The following SIPA1L3 variants were observed in gnomAD, a reference collection of about 807,000 sequenced individuals.
The protein encoded by SIPA1L3 is signal-induced proliferation-associated 1-like protein 3.
Under a neutral mutation model 150.1 loss-of-function variants are expected in SIPA1L3, and 59 were observed. That is an observed-to-expected ratio of 0.39 (90% CI 0.32 to 0.49). SIPA1L3 has a LOEUF of 0.49. Ranked by LOEUF, SIPA1L3 falls within the 20% of genes least tolerant of loss-of-function variation. The pLI, the probability that SIPA1L3 is intolerant of heterozygous loss-of-function variation, is 0.86. For missense variants in SIPA1L3, 2,211 were observed against 2,489.5 expected (o/e 0.89, Z 2.38); for synonymous variants, 1,070 against 1,077.6 (o/e 0.99, Z 0.14).
chr19:38,033,834 A>AGCG (rs1333843811), intron 2 of SIPA1L3, among the ~76,000 whole-genome samples: 33 of 152,278 alleles, frequency 2.2e-4, no homozygotes, highest in Non-Finnish European at 4.3e-4. Flanking sequence ...GGTTCTCAGC[A>AGCG]GCGGGCCTGA....
chr19:38,141,721 G>A (rs540754467), intron 11 of SIPA1L3, among the ~76,000 whole-genome samples: 4 of 152,322 alleles, frequency 2.6e-5, no homozygotes, highest in East Asian at 1.9e-4. Context: ...GGTGGCTCAC[G>A]CCTGTAATCC....
intron 1 of SIPA1L3, among the ~76,000 whole-genome samples, chr19:37,911,828 C>A (rs2046380100): frequency 6.6e-6 from 1 of 152,000 alleles, no homozygotes; most frequent in South Asian, 2.1e-4. Context: ...TCAGCAAACA[C>A]ACATCTAATA....
At chr19:38,099,828 A>T in intron 4 of SIPA1L3, 134 bp from the exon 5 acceptor site, 1 of 717,394 alleles carries the variant, frequency 1.4e-6, no homozygotes, top group Non-Finnish European at 2.2e-6. Flanking sequence ...GCTCAGACTT[A>T]GGGCTTTCTG....
chr19:38,204,154 C>T lies in SIPA1L3; in HGVS notation c.5148C>T (p.Gly1716=), dbSNP rs1402541552. The T allele has an allele frequency of 6.4e-7, 1 of 1,560,306 alleles. No individual in the cohort carries two copies. Among genetic ancestry groups the T allele is most frequent in the Non-Finnish European group, 8.7e-7 (1 of 1,151,228 alleles). The change falls in exon 21 of 22, where the codon GGC becomes GGT. Residue 1716 remains glycine, a synonymous_variant. Transcript: ENST00000222345. The part of the protein sequence containing the change: ...MSEEPPLDLT[G]KVYQLEVMLK... ...AGGAGCCACCCCTGGATCTGACAGGCAAGGTGTACCAGCTGGAGGTGATGC... is the reference window on the plus strand; with the variant it reads ...AGGAGCCACCCCTGGATCTGACAGGTAAGGTGTACCAGCTGGAGGTGATGC...
At chr19:38,143,658 C>T (rs996189681) in intron 12 of SIPA1L3, among the ~76,000 whole-genome samples, 1 of 150,942 alleles carries the variant, frequency 6.6e-6, no homozygotes, top group Non-Finnish European at 1.5e-5. Context: ...CCTGCCTCAG[C>T]CTCCCAAGTA....
At chr19:37,993,648 C>T (rs1967566803) in intron 1 of SIPA1L3, among the ~76,000 whole-genome samples, 1 of 152,154 alleles carries the variant, frequency 6.6e-6, no homozygotes, top group Non-Finnish European at 1.5e-5. Context: ...TGGAGAGCTC[C>T]TCCTCTGGAG....
chr19:37,976,150 A>G (rs1967071144), intron 1 of SIPA1L3, among the ~76,000 whole-genome samples: 1 of 150,724 alleles, frequency 6.6e-6, no homozygotes, highest in Non-Finnish European at 1.5e-5. Context: ...TGGTCTCACA[A>G]TGAGTGGTGG....
rs115015671 is a variant in SIPA1L3, at chr19:38,099,786, G to A, written c.1666-176G>A. The stretch of plus-strand genomic sequence containing the variant: ...GATATGAAGTCACTTGGTCAAGACC[G>A]CACAGCCAGGAGGCAGCAGGTTCAA... On this transcript the variant is annotated intron_variant, in intron 4 of 21. Coordinates refer to ENST00000222345, the MANE Select transcript of SIPA1L3 (RefSeq NM_015073.3). 8.5e-3 allele frequency among the ~76,000 whole-genome samples: 1,292 copies of A among 152,294 alleles called. 21 individuals carry two copies. Among genetic ancestry groups the A allele is most frequent in the African/African-American group, 0.03 (1,239 of 41,554 alleles).
intron 1 of SIPA1L3, among the ~76,000 whole-genome samples, chr19:37,963,674 C>A (rs2046879064): frequency 6.6e-6 from 1 of 152,206 alleles, no homozygotes; most frequent in Non-Finnish European, 1.5e-5. Context: ...AGTTATATGC[C>A]TTTGGTTGAT....
At chr19:37,964,613 G>C (rs895076455) in intron 1 of SIPA1L3, 1 of 152,420 alleles carries the variant, frequency 6.6e-6, no homozygotes, top group Non-Finnish European at 1.5e-5. Flanking sequence ...TCCTGCCTCA[G>C]CCTCCCAAGT....
chr19:37,963,706 G>A (rs959388296), intron 1 of SIPA1L3: 2 of 152,350 alleles, frequency 1.3e-5, no homozygotes, highest in Admixed American at 1.3e-4. Flanking sequence ...TCAAATGGTT[G>A]TGTTTGGCAA....
At chr19:37,951,927 T>G (rs2046768597) in intron 1 of SIPA1L3, among the ~76,000 whole-genome samples, 1 of 149,278 alleles carries the variant, frequency 6.7e-6, no homozygotes, top group Non-Finnish European at 1.5e-5. Flanking sequence ...GCCCCACTGT[T>G]GTGGAATGTC....
chr19:38,131,102 A>G (rs1204457201), intron 10 of SIPA1L3, among the ~76,000 whole-genome samples: 2 of 152,144 alleles, frequency 1.3e-5, no homozygotes, highest in Non-Finnish European at 2.9e-5. Context: ...CACTTCATTC[A>G]TTTGTTCAAA....
intron 12 of SIPA1L3, among the ~76,000 whole-genome samples, chr19:38,148,752 G>A (rs754295633): frequency 1.3e-5 from 2 of 152,126 alleles, no homozygotes; most frequent in South Asian, 4.1e-4. Context: ...CCTGCTCCCC[G>A]TAAGGTTCCT....
At position 38,157,346 on chromosome 19, in the gene SIPA1L3, G is replaced by C. The variant is rs528631585; in HGVS notation, c.3661+4379G>C. On this transcript the variant is annotated intron_variant, in intron 13 of 21. Coordinates refer to ENST00000222345, the MANE Select transcript of SIPA1L3 (RefSeq NM_015073.3). ...GTTTAGTCGTCTCAGGAACACAACA[G>C]GGTGGGCACTGCGACTGCCCCCGGT... 9.2e-5 allele frequency among the ~76,000 whole-genome samples: 14 copies of C among 152,302 alleles called. No homozygotes were observed. In the South Asian group the frequency reaches 2.7e-3, roughly 29 times the overall value.
intron 1 of SIPA1L3, among the ~76,000 whole-genome samples, chr19:37,981,694 G>A (rs764068097): frequency 3.4e-4 from 51 of 152,080 alleles, no homozygotes; most frequent in Non-Finnish European, 1.6e-4. Flanking sequence ...AGTGCCCTTC[G>A]TTAGCTGTAC....
chr19:38,107,580 G>A (rs1970650918), intron 7 of SIPA1L3, among the ~76,000 whole-genome samples: 1 of 152,216 alleles, frequency 6.6e-6, no homozygotes, highest in South Asian at 2.1e-4. Context: ...GACAGTTTAG[G>A]AAGTAAGTGT....
chr19:38,021,001 A>C (rs1599914687), intron 1 of SIPA1L3, among the ~76,000 whole-genome samples: 1 of 151,990 alleles, frequency 6.6e-6, no homozygotes, highest in African/African-American at 2.4e-5. Flanking sequence ...GGGTTTCGCC[A>C]TGTTGGCCAG....
chr19:38,153,669 CA>C (rs11309008), intron 13 of SIPA1L3, among the ~76,000 whole-genome samples: 69,930 of 115,068 alleles, frequency 0.61, 18,785 homozygotes, highest in African/African-American at 0.67. Flanking sequence ...GATTCTGTCT[CA>C]AAAAAAAAAA....
Sources: allele counts gnomAD v4.1 joint callset (sites outside exome capture counted in the v4.1 genomes callset), GRCh38; gene constraint gnomAD v4.1.1; transcripts MANE v1.5; gene names NCBI Gene and HGNC (gene_info 2026-07-23, HGNC 2026-07-21).